Variants in SGMS1 observed in about 807,000 individuals in gnomAD.
The protein encoded by SGMS1 is phosphatidylcholine:ceramide cholinephosphotransferase 1.
SGMS1 carries 13 observed loss-of-function variants against 46.2 expected under a neutral mutation model. That is an observed-to-expected ratio of 0.28 (90% confidence interval 0.18 to 0.45). The LOEUF (loss-of-function observed/expected upper bound fraction) is 0.45. SGMS1 is among the 20% of genes least tolerant of loss of function. The pLI is 1.00. For synonymous variants in SGMS1, 203 were observed against 187.8 expected, an observed-to-expected ratio of 1.08 and a Z score of -0.66; for missense variants, 324 against 519.9, an observed-to-expected ratio of 0.62 and a Z score of 3.66.
intron 5 of SGMS1, among the ~76,000 whole-genome samples, chr10:50,442,184 ATTT>A (rs11397144): frequency 6.8e-6 from 1 of 147,274 alleles, no homozygotes; most frequent in Non-Finnish European, 1.5e-5. Context: ...TCTGCTGTAG[ATTT>A]TTTTTTTTTT....
At chr10:50,331,136 C>A (rs1460082780) in intron 7 of SGMS1, among the ~76,000 whole-genome samples, 3 of 152,154 alleles carry the variant, frequency 2.0e-5, no homozygotes, top group Non-Finnish European at 4.4e-5. Flanking sequence ...GAGCCAACGA[C>A]CACACTACTA....
chr10:50,624,218 G>A (rs944470656), upstream of SGMS1: 5 of 693,410 alleles, frequency 7.2e-6, no homozygotes, highest in Admixed American at 3.1e-4. Context: ...AGGCCTAGCG[G>A]GAGCCAGATT....
chr10:50,607,100 T>G (rs2131921271), intron 1 of SGMS1, among the ~76,000 whole-genome samples: 1 of 151,300 alleles, frequency 6.6e-6, no homozygotes, highest in East Asian at 2.0e-4. Context: ...CACCTCAGCC[T>G]CCCAAGTAGC....
rs182357345 is a variant in SGMS1 at position 50,513,427 on chromosome 10, T to A, written c.-498+6404A>T. Among the ~76,000 whole-genome samples, 8 of 152,172 alleles carry A rather than the reference T, an allele frequency of 5.3e-5. No individual in the cohort carries two copies. The East Asian group carries it at 1.5e-3, about 29-fold the overall frequency. ...CCTTCCCCCTAGGAGTCTTTGAGGCTTCAAAACTACCTTCAACACTTCCTC... is the reference window on the plus strand; with the variant it reads ...CCTTCCCCCTAGGAGTCTTTGAGGCATCAAAACTACCTTCAACACTTCCTC... On this transcript the variant is annotated intron_variant, in intron 3 of 10. Coordinates refer to ENST00000361781, the MANE Select transcript of SGMS1 (RefSeq NM_147156.4).
chr10:50,579,367 G>T lies in SGMS1; in HGVS notation c.-589+10786C>A, dbSNP rs573326813. On this transcript the variant is annotated intron_variant, in intron 2 of 10. Coordinates refer to ENST00000361781, the MANE Select transcript of SGMS1 (RefSeq NM_147156.4). ...AAAACAGAGGGGGGAATTCAACAAT[G>T]ATACACTTCAAGAAAATTTCTAAAA... Among the ~76,000 whole-genome samples, 141 of 152,054 alleles carry T rather than the reference G, an allele frequency of 9.3e-4. 1 individual carries two copies. The highest frequency in any genetic ancestry group is 3.4e-3 in the Middle Eastern group (1 of 294).
intron 6 of SGMS1, among the ~76,000 whole-genome samples, chr10:50,422,397 C>T (rs1849268866): frequency 6.6e-6 from 1 of 152,086 alleles, no homozygotes; most frequent in Non-Finnish European, 1.5e-5. Context: ...GCAAGCAGAA[C>T]CCAAGCAGCA....
At chr10:50,332,304 C>T (rs1201114788) in intron 7 of SGMS1, among the ~76,000 whole-genome samples, 2 of 152,092 alleles carry the variant, frequency 1.3e-5, no homozygotes, top group African/African-American at 4.8e-5. Flanking sequence ...CTGGATTCTG[C>T]CTTCTCCTGG....
rs60882939 is a variant in SGMS1, at chr10:50,563,742, CAA to C, written c.-589+26409_-589+26410del. Among the ~76,000 whole-genome samples, 41 of 65,728 alleles carry C rather than the reference CAA, an allele frequency of 6.2e-4. No homozygotes were observed. In the South Asian group the frequency reaches 0.01, roughly 17 times the overall value. The allele number at this position is 65,728 out of a possible 152,430, so 43.1% of individuals were successfully genotyped here. ...TGGGCGACAGAGCGAGACTCCGTCT[CAA>C]AAAAAAAAAAAAAAAAAAAAAAGAA... is the stretch of plus-strand genomic sequence containing the variant. On this transcript the variant is annotated intron_variant, in intron 2 of 10. Coordinates refer to ENST00000361781, the MANE Select transcript of SGMS1 (RefSeq NM_147156.4).
At chr10:50,379,454 A>G (rs973801925) in intron 6 of SGMS1, among the ~76,000 whole-genome samples, 1 of 139,706 alleles carries the variant, frequency 7.2e-6, no homozygotes, top group Non-Finnish European at 1.6e-5. Flanking sequence ...ATATATATAT[A>G]TATGTGCACG....
chr10:50,373,151 T>C (rs1848468407), intron 6 of SGMS1, among the ~76,000 whole-genome samples: 4 of 152,166 alleles, frequency 2.6e-5, no homozygotes, highest in Non-Finnish European at 4.4e-5. Context: ...CAGGCCCTTA[T>C]AGATGTTTCC....
At chr10:50,439,159 T>C (rs944179107) in intron 5 of SGMS1, among the ~76,000 whole-genome samples, 1 of 152,150 alleles carries the variant, frequency 6.6e-6, no homozygotes, top group Non-Finnish European at 1.5e-5. Context: ...AACATCCAAT[T>C]TTTATCTAAG....
intron 2 of SGMS1, among the ~76,000 whole-genome samples, chr10:50,589,510 C>T (rs541929938): frequency 3.9e-5 from 6 of 152,282 alleles, no homozygotes; most frequent in East Asian, 1.9e-4. Flanking sequence ...TTGTCTGTCA[C>T]CCAGGCTGCA....
chr10:50,464,395 G>C (rs1837304248), intron 4 of SGMS1, among the ~76,000 whole-genome samples: 1 of 152,138 alleles, frequency 6.6e-6, no homozygotes, highest in African/African-American at 2.4e-5. Context: ...ACAAGGAAAG[G>C]TACTCTCCCC....
intron 1 of SGMS1, among the ~76,000 whole-genome samples, chr10:50,602,000 A>G (rs928842512): frequency 2.0e-5 from 3 of 152,192 alleles, no homozygotes; most frequent in African/African-American, 7.2e-5. Context: ...CCACTTGTGG[A>G]GTCATATTAG....
chr10:50,327,060 T>C (rs2133313919), intron 8 of SGMS1, 145 bp downstream of exon 8: 2 of 529,676 alleles, frequency 3.8e-6, no homozygotes, highest in Admixed American at 7.1e-5. Flanking sequence ...TGGGGCTGCC[T>C]GGCCATATCA....
chr10:50,441,272 G>T (rs1849543653), intron 5 of SGMS1, among the ~76,000 whole-genome samples: 1 of 152,144 alleles, frequency 6.6e-6, no homozygotes, highest in African/African-American at 2.4e-5. Context: ...TGTATTCCAG[G>T]CTGTTGCCTT....
At chr10:50,370,001 G>A (rs1029305767) in intron 6 of SGMS1, among the ~76,000 whole-genome samples, 3 of 152,174 alleles carry the variant, frequency 2.0e-5, no homozygotes, top group Non-Finnish European at 4.4e-5. Flanking sequence ...TAAGCTTTGT[G>A]TATCTAAATG....
chr10:50,443,820 T>G (rs555898610), intron 5 of SGMS1, among the ~76,000 whole-genome samples: 1 of 152,228 alleles, frequency 6.6e-6, no homozygotes. Context: ...TTATATAGTT[T>G]GTGACATATA....
At chr10:50,413,635 C>T (rs180882149) in intron 6 of SGMS1, among the ~76,000 whole-genome samples, 20 of 152,326 alleles carry the variant, frequency 1.3e-4, no homozygotes, top group Admixed American at 1.2e-3. Flanking sequence ...GCCACTAGCA[C>T]ACCTCCCCAA....
Sources: allele counts gnomAD v4.1 joint callset (sites outside exome capture counted in the v4.1 genomes callset), GRCh38; gene constraint gnomAD v4.1.1; transcripts MANE v1.5; gene names NCBI Gene and HGNC (gene_info 2026-07-23, HGNC 2026-07-21).